HACD2: variants seen among roughly 807,000 people sequenced by gnomAD.
HACD2 encodes the protein very-long-chain (3R)-3-hydroxyacyl-CoA dehydratase 2.
A neutral mutation model predicts 31.0 loss-of-function variants in HACD2; 15 were observed. That is an observed-to-expected ratio of 0.48 (90% CI 0.32 to 0.75). The LOEUF (loss-of-function observed/expected upper bound fraction) is 0.75, where lower values mean the gene tolerates loss of function less well. Among genes scored for constraint, HACD2 ranks in the 30% least tolerant of loss-of-function variants. The pLI, the probability that HACD2 is intolerant of heterozygous loss-of-function variation, is 0.03. For missense variants in HACD2, 283 were observed against 313.0 expected, an observed-to-expected ratio of 0.90 and a Z score of 0.72; for synonymous variants, 115 against 122.2, an observed-to-expected ratio of 0.94 and a Z score of 0.39.
At chr3:123,541,038 A>G (rs1427608542) in intron 3 of HACD2, among the ~76,000 whole-genome samples, 4 of 152,222 alleles carry the variant, frequency 2.6e-5, no homozygotes, top group Non-Finnish European at 4.4e-5. Context: ...TGGGAGGCCA[A>G]GGTGGGTGGA....
At chr3:123,556,746 G>A (rs2056676540) in intron 3 of HACD2, among the ~76,000 whole-genome samples, 1 of 152,072 alleles carries the variant, frequency 6.6e-6, no homozygotes, top group African/African-American at 2.4e-5. Context: ...AATATAGAAA[G>A]AATTCTTAAA....
chr3:123,502,837 G>A, intron 4 of HACD2, 156 bp from the exon 5 acceptor site: 1 of 694,520 alleles, frequency 1.4e-6, no homozygotes, highest in South Asian at 2.0e-5. Flanking sequence ...TGTAGAGCTG[G>A]GGCCTAGGAT....
In HACD2 at chr3:123,554,490, C is replaced by T. The variant is rs567987894; in HGVS notation, c.292+13272G>A. Among the ~76,000 whole-genome samples, 14 of 151,662 alleles carry T rather than the reference C, an allele frequency of 9.2e-5. No homozygotes were observed. In the South Asian group the frequency reaches 2.7e-3, roughly 29 times the overall value. ...AATAGCCACTGCACTCCAGCCTGGG[C>T]AACACAGTGAGACCCCATCTCTCGA... On this transcript the variant is annotated intron_variant, in intron 3 of 6. Transcript: ENST00000383657.
chr3:123,581,615 T>C (rs975228965), intron 2 of HACD2, among the ~76,000 whole-genome samples: 1 of 152,240 alleles, frequency 6.6e-6, no homozygotes, highest in African/African-American at 2.4e-5. Context: ...AGTTTCTTTG[T>C]AAATTAATCC....
intron 3 of HACD2, among the ~76,000 whole-genome samples, chr3:123,538,743 TG>T (rs1410307798): frequency 9.8e-5 from 15 of 152,364 alleles, no homozygotes; most frequent in Admixed American, 9.1e-4. Flanking sequence ...GATGTGAGTA[TG>T]TGCACCAGAA....
intron 3 of HACD2, among the ~76,000 whole-genome samples, chr3:123,565,024 A>C (rs2056775894): frequency 6.6e-6 from 1 of 152,164 alleles, no homozygotes; most frequent in Admixed American, 6.5e-5. Flanking sequence ...AGAGGAACTC[A>C]GGGGATGCCC....
intron 3 of HACD2, among the ~76,000 whole-genome samples, chr3:123,534,391 C>G (rs1376553295): frequency 6.6e-6 from 1 of 151,374 alleles, no homozygotes; most frequent in Non-Finnish European, 1.5e-5. Flanking sequence ...TAATGCAACT[C>G]ATTACTCATA....
rs776178578 is a variant in HACD2 at position 123,500,553 on chromosome 3, T to C, written c.644A>G (p.Tyr215Cys). 5 of 1,609,610 alleles carry C rather than the reference T, an allele frequency of 3.1e-6. No homozygotes were observed. Among genetic ancestry groups the C allele is most frequent in the South Asian group, 1.1e-5 (1 of 90,912 alleles). ...GATCATTATTAGAATCAGGAATGCA[T>C]AGTAGTCAAAAGAGAAATTGTATTT... ...PNKYNFSFDY[Y>C]AFLILIMISY... The change falls in exon 6 of 7, where the codon TAT becomes TGT. Residue 215 changes from tyrosine (Y) to cysteine (C), a missense_variant. By Grantham distance (194) the Tyr-to-Cys change is radical. Coordinates refer to ENST00000383657, the MANE Select transcript of HACD2 (RefSeq NM_198402.5).
At chr3:123,496,565 G>A (rs1006312959) in intron 6 of HACD2, among the ~76,000 whole-genome samples, 4 of 152,150 alleles carry the variant, frequency 2.6e-5, no homozygotes, top group East Asian at 1.9e-4. Flanking sequence ...GCAGGACGTC[G>A]TTCACAGAAA....
chr3:123,510,703 T>C (rs940887034), intron 4 of HACD2, among the ~76,000 whole-genome samples: 4 of 152,240 alleles, frequency 2.6e-5, no homozygotes, highest in African/African-American at 9.6e-5. Context: ...TTTTTGGCTA[T>C]TATGAATATG....
At chr3:123,502,078 A>G (rs770164191) in intron 5 of HACD2, among the ~76,000 whole-genome samples, 3 of 152,210 alleles carry the variant, frequency 2.0e-5, no homozygotes, top group Non-Finnish European at 2.9e-5. Context: ...AAGCAAAACA[A>G]AAGTGATAAG....
intron 5 of HACD2, among the ~76,000 whole-genome samples, chr3:123,502,101 T>G (rs2055909285): frequency 6.6e-6 from 1 of 152,204 alleles, no homozygotes; most frequent in African/African-American, 2.4e-5. Flanking sequence ...AAAACTGACA[T>G]GTAATGTTTG....
At chr3:123,536,906 C>T (rs1258417277) in intron 3 of HACD2, among the ~76,000 whole-genome samples, 3 of 152,160 alleles carry the variant, frequency 2.0e-5, no homozygotes, top group African/African-American at 7.2e-5. Flanking sequence ...GAAAGAACTT[C>T]ACGTATAATG....
intron 3 of HACD2, among the ~76,000 whole-genome samples, chr3:123,541,732 C>T (rs939734365): frequency 2.0e-5 from 3 of 152,062 alleles, no homozygotes; most frequent in Non-Finnish European, 2.9e-5. Context: ...TTGGTATGTA[C>T]GTTTAACATT....
intron 3 of HACD2, among the ~76,000 whole-genome samples, chr3:123,533,524 C>T (rs2056390699): frequency 6.6e-6 from 1 of 152,188 alleles, no homozygotes; most frequent in Admixed American, 6.5e-5. Context: ...TATTTGAACA[C>T]AATGGCATAG....
In HACD2 at chr3:123,545,034, C is replaced by CAA. The variant is rs71142743; in HGVS notation, c.293-16562_293-16561dup. 9.8e-3 allele frequency among the ~76,000 whole-genome samples: 429 copies of CAA among 43,798 alleles called. 5 individuals carry two copies. Among genetic ancestry groups the CAA allele is most frequent in the East Asian group, 0.014 (21 of 1,456 alleles). The allele number at this position is 43,798 out of a possible 152,430, so 28.7% of individuals were successfully genotyped here. A position where few individuals can be genotyped will look rare whatever the true frequency, so the allele number is the denominator to read the frequency against. ...AGCTGTAGTAAGAGAGACCCTGCCT[C>CAA]AAAAAAAAAAAAAAAAAAAAAAAAG... On this transcript the variant is annotated intron_variant, in intron 3 of 6. Transcript: ENST00000383657.
chr3:123,535,124 C>G (rs1221972777), intron 3 of HACD2, among the ~76,000 whole-genome samples: 1 of 152,186 alleles, frequency 6.6e-6, no homozygotes, highest in Non-Finnish European at 1.5e-5. Flanking sequence ...CATTCTCTCA[C>G]CACTCAATGA....
chr3:123,562,643 T>C lies in HACD2; in HGVS notation c.292+5119A>G, dbSNP rs540523300. ...CTTCATGCATTTTTCCATTTAATTT[T>C]CACAGCAATCTGTGAGGTAGGTATT... On this transcript the variant is annotated intron_variant, in intron 3 of 6. Transcript: ENST00000383657. 1.3e-4 allele frequency among the ~76,000 whole-genome samples: 20 copies of C among 152,346 alleles called. No homozygotes were observed. In the South Asian group the frequency reaches 3.7e-3, roughly 28 times the overall value.
intron 4 of HACD2, among the ~76,000 whole-genome samples, chr3:123,503,170 C>T (rs2055926384): frequency 6.6e-6 from 1 of 151,524 alleles, no homozygotes; most frequent in African/African-American, 2.4e-5. Flanking sequence ...GAGGCTGAGG[C>T]AGGAGAGTCG....
Sources: allele counts gnomAD v4.1 joint callset (sites outside exome capture counted in the v4.1 genomes callset), GRCh38; gene constraint gnomAD v4.1.1; transcripts MANE v1.5; gene names NCBI Gene and HGNC (gene_info 2026-07-23, HGNC 2026-07-21).